NSUN6: variants seen among roughly 807,000 people sequenced by gnomAD.
NSUN6 encodes the protein tRNA (cytosine(72)-C(5))-methyltransferase NSUN6.
NSUN6 carries 64 observed loss-of-function variants against 58.0 expected under a neutral mutation model. The ratio of observed to expected loss-of-function variants is 1.10; its 90% CI spans 0.90 to 1.36. NSUN6 has a LOEUF of 1.36. NSUN6 is among the 40% of genes most tolerant of loss of function. The pLI is 0.00. For missense variants in NSUN6, 701 were observed against 550.1 expected (o/e 1.27, Z -2.74); for synonymous variants, 231 against 193.9 (o/e 1.19, Z -1.59).
intron 9 of NSUN6, among the ~76,000 whole-genome samples, chr10:18,548,503 C>T (rs1388769463): frequency 6.6e-6 from 1 of 152,168 alleles, no homozygotes; most frequent in Non-Finnish European, 1.5e-5. Flanking sequence ...CCTTTGGATA[C>T]CATTTTTTAT....
chr10:18,648,596 A>G lies in NSUN6; in HGVS notation c.125T>C (p.Leu42Ser). 1 of 1,607,778 alleles carries G rather than the reference A, an allele frequency of 6.2e-7. No individual in the cohort carries two copies. The highest frequency in any genetic ancestry group is 1.1e-5 in the South Asian group (1 of 90,900). ...TGGAGGATGTGACAGGTGCTTTAAC[A>G]AAGTTTCAAACTTCCTTTCTGCTTC... Reference protein sequence around the residue: ...KQEAERKFETLLKHLSHPPSF... With the variant: ...KQEAERKFETSLKHLSHPPSF... Residue 42 changes from leucine to serine, a missense_variant, in exon 2 of 11, where the codon TTG (leucine) becomes TCG (serine). By Grantham distance (145) the Leu-to-Ser change is moderately radical. Coordinates refer to ENST00000377304, the MANE Select transcript of NSUN6 (RefSeq NM_182543.5).
chr10:18,607,937 A>C (rs562500658), intron 6 of NSUN6, among the ~76,000 whole-genome samples: 1 of 152,236 alleles, frequency 6.6e-6, no homozygotes, highest in Non-Finnish European at 1.5e-5. Flanking sequence ...TAAATGAAAT[A>C]ATATATGTAA....
At chr10:18,574,125 G>T (rs2056531675) in intron 8 of NSUN6, among the ~76,000 whole-genome samples, 1 of 152,114 alleles carries the variant, frequency 6.6e-6, no homozygotes, top group African/African-American at 2.4e-5. Context: ...CACGGAGGCT[G>T]CCAGCAGACT....
chr10:18,600,194 T>A (rs910830231), intron 6 of NSUN6, among the ~76,000 whole-genome samples: 4 of 152,052 alleles, frequency 2.6e-5, no homozygotes, highest in African/African-American at 4.8e-5. Flanking sequence ...GATAACAGTT[T>A]TCCAGGAAGA....
chr10:18,560,418 G>A (rs929175293), intron 8 of NSUN6, among the ~76,000 whole-genome samples: 5 of 149,860 alleles, frequency 3.3e-5, no homozygotes, highest in Admixed American at 6.7e-5. Context: ...AGTGGGCAAC[G>A]GAACAGAAAA....
At chr10:18,551,248 G>A (rs1002494336) in intron 9 of NSUN6, among the ~76,000 whole-genome samples, 2 of 119,714 alleles carry the variant, frequency 1.7e-5, no homozygotes, top group African/African-American at 6.0e-5. Context: ...TCTCAGTTGT[G>A]TGTGTGTGTG....
chr10:18,586,859 C>T (rs929899460), intron 7 of NSUN6, among the ~76,000 whole-genome samples: 14 of 152,236 alleles, frequency 9.2e-5, no homozygotes, highest in African/African-American at 3.1e-4. Flanking sequence ...TTTTACAGAG[C>T]GCTGATTGGT....
intron 8 of NSUN6, among the ~76,000 whole-genome samples, chr10:18,569,288 T>C (rs945356127): frequency 6.7e-6 from 1 of 149,960 alleles, no homozygotes; most frequent in Non-Finnish European, 1.5e-5. Context: ...CTCCATACCA[T>C]CCTCCATTCC....
chr10:18,548,194 G>C lies in NSUN6; in HGVS notation c.1115C>G (p.Thr372Arg), dbSNP rs766998894. 1 of 1,613,412 alleles carries C rather than the reference G, an allele frequency of 6.2e-7. No homozygotes were observed. Among genetic ancestry groups the C allele is most frequent in the Non-Finnish European group, 8.5e-7 (1 of 1,179,520 alleles). Residue 372 changes from threonine (T) to arginine (R), a missense_variant, in exon 10 of 11, where the codon ACG becomes AGG. By Grantham distance (71) the Thr-to-Arg change is moderately conservative (BLOSUM62 -1). Transcript: ENST00000377304. ...ATTTTCGGCCAGTGTTATAGTGCAC[G>C]TGCTATAAACCAGCACACCCTCTGG... ...LKPEGVLVYS[T>R]CTITLAENEE...
chr10:18,553,533 T>C (rs557604410), intron 8 of NSUN6, among the ~76,000 whole-genome samples: 1 of 140,414 alleles, frequency 7.1e-6, no homozygotes, highest in African/African-American at 2.7e-5. Context: ...GAGTGGAGAA[T>C]GGAATGAAAG....
At chr10:18,630,643 T>G (rs1312421281) in intron 3 of NSUN6, among the ~76,000 whole-genome samples, 1 of 152,136 alleles carries the variant, frequency 6.6e-6, no homozygotes, top group African/African-American at 2.4e-5. Context: ...GCAAATAAAC[T>G]AGAAAATCTA....
chr10:18,575,933 C>A (rs1255876404), intron 8 of NSUN6, among the ~76,000 whole-genome samples: 1 of 151,942 alleles, frequency 6.6e-6, no homozygotes, highest in African/African-American at 2.4e-5. Flanking sequence ...CAAGATCAGC[C>A]TGGGGATCAC....
intron 8 of NSUN6, among the ~76,000 whole-genome samples, chr10:18,583,755 C>A (rs1173510427): frequency 3.9e-5 from 6 of 152,080 alleles, no homozygotes; most frequent in Admixed American, 1.3e-4. Context: ...AGGGGCTCAA[C>A]CAGAGTTAAG....
chr10:18,597,161 G>C (rs189936072), intron 6 of NSUN6, among the ~76,000 whole-genome samples: 190 of 152,192 alleles, frequency 1.2e-3, no homozygotes, highest in African/African-American at 4.2e-3. Context: ...CTCATCTATA[G>C]CAGTAAGTCA....
rs545262916 is a variant in NSUN6 at position 18,642,774 on chromosome 10, A to T, written c.232-219T>A. Reference sequence around the variant, plus strand: ...GTATCCTAACTTCCTTATAAGACTCAATTTTGCTTACTATTTGGCATTATA... The same window carrying T: ...GTATCCTAACTTCCTTATAAGACTCTATTTTGCTTACTATTTGGCATTATA... On this transcript the variant is annotated intron_variant, in intron 2 of 10. Transcript: ENST00000377304. Among the ~76,000 whole-genome samples, 3 of 152,256 alleles carry T rather than the reference A, an allele frequency of 2.0e-5. No homozygotes were observed. In the East Asian group the frequency reaches 5.8e-4, roughly 29 times the overall value.
At chr10:18,556,795 A>T (rs2055058839) in intron 8 of NSUN6, among the ~76,000 whole-genome samples, 1 of 151,430 alleles carries the variant, frequency 6.6e-6, no homozygotes, top group African/African-American at 2.4e-5. Flanking sequence ...ATGGAATGGA[A>T]TGGAGACTGA....
At chr10:18,638,888 G>A (rs1292520539) in intron 3 of NSUN6, among the ~76,000 whole-genome samples, 1 of 144,244 alleles carries the variant, frequency 6.9e-6, no homozygotes, top group African/African-American at 2.6e-5. Flanking sequence ...CTGAAAGCAA[G>A]CACCACATGT....
chr10:18,592,568 C>A (rs2057417217), intron 7 of NSUN6, among the ~76,000 whole-genome samples: 1 of 152,152 alleles, frequency 6.6e-6, no homozygotes, highest in African/African-American at 2.4e-5. Context: ...CAACACACAT[C>A]TACAACCATC....
In NSUN6 at chr10:18,633,793, G is replaced by C. The variant is rs148566986; in HGVS notation, c.311+8683C>G. The stretch of plus-strand genomic sequence containing the variant: ...ACTATCTAAAAGCAGCCCAAGAAAA[G>C]AGAAAAGAAATACCAACCAACTTTG... On this transcript the variant is annotated intron_variant, in intron 3 of 10. Transcript: ENST00000377304. 3.8e-3 allele frequency among the ~76,000 whole-genome samples: 573 copies of C among 152,272 alleles called. 4 individuals are homozygous for C. The highest frequency in any genetic ancestry group is 0.013 in the African/African-American group (521 of 41,548).
Sources: gnomAD v4.1 joint callset for allele counts (sites outside exome capture counted in the v4.1 genomes callset) on GRCh38, gnomAD v4.1.1 for gene constraint, MANE v1.5 for transcripts, NCBI Gene and HGNC (gene_info 2026-07-23, HGNC 2026-07-21) for gene names.